UBE2R2: variants seen among roughly 807,000 people sequenced by gnomAD.
The protein encoded by UBE2R2 is ubiquitin conjugating enzyme E2 R2.
A neutral mutation model predicts 27.8 loss-of-function variants in UBE2R2; 1 was observed. The observed-to-expected ratio is 0.04, with a 90% confidence interval of 0.01 to 0.17. UBE2R2 has a LOEUF of 0.17. UBE2R2 is among the 10% of genes least tolerant of loss of function. The pLI, the probability that UBE2R2 is intolerant of heterozygous loss-of-function variation, is 1.00. For synonymous variants in UBE2R2, 106 were observed against 113.3 expected (o/e 0.94, Z 0.41); for missense variants, 100 against 291.0 (o/e 0.34, Z 4.78).
intron 2 of UBE2R2, among the ~76,000 whole-genome samples, chr9:33,899,615 T>A (rs1039561278): frequency 6.6e-6 from 1 of 152,168 alleles, no homozygotes; most frequent in Non-Finnish European, 1.5e-5. Flanking sequence ...CCTTGTGATC[T>A]GCCCACCTTG....
chr9:33,913,043 C>T (rs1025393202), intron 4 of UBE2R2, among the ~76,000 whole-genome samples: 18 of 151,008 alleles, frequency 1.2e-4, no homozygotes, highest in Non-Finnish European at 4.4e-5. Flanking sequence ...TCACTGCAGC[C>T]TCTATCTCCT....
At position 33,917,398 on chromosome 9, in the gene UBE2R2, T is replaced by C. The variant is rs544936741; in HGVS notation, c.*161T>C. 2 of 1,051,600 alleles carry C rather than the reference T, an allele frequency of 1.9e-6. No individual in the cohort carries two copies. Among genetic ancestry groups the C allele is most frequent in the Admixed American group, 2.8e-5 (1 of 36,338 alleles). The allele number at this position is 1,051,600 out of a possible 1,614,324, so 65.1% of individuals were successfully genotyped here. On this transcript the variant is annotated 3_prime_UTR_variant, in exon 5 of 5. Transcript: ENST00000263228. ...CCCCTTATGGATCTCAGTTTGCTCC[T>C]TTTTATGGACCTTTAATGGAGAGAG...
At chr9:33,816,164 C>CTG (rs1397625900), upstream of UBE2R2, among the ~76,000 whole-genome samples, 1 of 152,190 alleles carries the variant, frequency 6.6e-6, no homozygotes, top group Non-Finnish European at 1.5e-5. Flanking sequence ...AGTTCCGAAA[C>CTG]TGTGTGTGTA....
chr9:33,869,094 C>G (rs556428344), intron 1 of UBE2R2, among the ~76,000 whole-genome samples: 21 of 152,106 alleles, frequency 1.4e-4, no homozygotes, highest in Middle Eastern at 3.4e-3. Context: ...ATGGCAGAAT[C>G]CTGTCTCTAC....
chr9:33,877,827 C>CTGTCTGTCTGTCTCTCTT (rs1563997770), intron 1 of UBE2R2, among the ~76,000 whole-genome samples: 3 of 82,982 alleles, frequency 3.6e-5, no homozygotes, highest in East Asian at 2.7e-4. Flanking sequence ...CTGTCTGTCT[C>CTGTCTGTCTGTCTCTCTT]TCTCTCTCTC....
At chr9:33,850,333 G>C (rs2130752442) in intron 1 of UBE2R2, among the ~76,000 whole-genome samples, 1 of 152,222 alleles carries the variant, frequency 6.6e-6, no homozygotes, top group Non-Finnish European at 1.5e-5. Flanking sequence ...CAGATTCTGT[G>C]GATGTGTTTA....
At chr9:33,880,863 C>T (rs879590521) in intron 1 of UBE2R2, among the ~76,000 whole-genome samples, 1 of 152,150 alleles carries the variant, frequency 6.6e-6, no homozygotes, top group Non-Finnish European at 1.5e-5. Context: ...TGCCTGATGA[C>T]TTGAGGTGGA....
At chr9:33,838,352 C>G (rs779816728) in intron 1 of UBE2R2, among the ~76,000 whole-genome samples, 1 of 147,582 alleles carries the variant, frequency 6.8e-6, no homozygotes, top group Non-Finnish European at 1.5e-5. Context: ...ACTGTGTATA[C>G]GTATATAATG....
chr9:33,864,338 A>T (rs751284730), intron 1 of UBE2R2, among the ~76,000 whole-genome samples: 1 of 152,132 alleles, frequency 6.6e-6, no homozygotes, highest in Non-Finnish European at 1.5e-5. Context: ...GCTGTCAAGG[A>T]TCCCATTTCT....
Position 33,920,186 on chromosome 9 carries a change from A to G in UBE2R2, c.*2949A>G, listed in dbSNP as rs1587491131. On this transcript the variant is annotated 3_prime_UTR_variant, in exon 5 of 5. Coordinates refer to ENST00000263228, the MANE Select transcript of UBE2R2 (RefSeq NM_017811.4). ...TACATTTACAACTAAAAGGATTCAGATGCAATTTTCAACTATTCTGAAACC... is the reference window on the plus strand; with the variant it reads ...TACATTTACAACTAAAAGGATTCAGGTGCAATTTTCAACTATTCTGAAACC... 1 of 152,640 alleles carries G rather than the reference A, an allele frequency of 6.6e-6. No individual in the cohort carries two copies. The highest frequency in any genetic ancestry group is 2.4e-5 in the African/African-American group (1 of 41,456). The allele number at this position is 152,640 out of a possible 1,614,324, so 9.5% of individuals were successfully genotyped here.
chr9:33,902,369 A>C (rs962527803), intron 3 of UBE2R2, among the ~76,000 whole-genome samples: 1 of 152,102 alleles, frequency 6.6e-6, no homozygotes, highest in African/African-American at 2.4e-5. Flanking sequence ...TTATCTATAC[A>C]AGAATAATAC....
chr9:33,851,836 A>G (rs966831257), intron 1 of UBE2R2, among the ~76,000 whole-genome samples: 1 of 152,190 alleles, frequency 6.6e-6, no homozygotes, highest in African/African-American at 2.4e-5. Flanking sequence ...AATGGTATAC[A>G]TTCACATAAA....
chr9:33,914,787 C>G (rs943478623), intron 4 of UBE2R2, among the ~76,000 whole-genome samples: 32 of 151,252 alleles, frequency 2.1e-4, no homozygotes, highest in African/African-American at 7.5e-4. Flanking sequence ...TGAGATCGCG[C>G]CACTGCACTC....
intron 2 of UBE2R2, among the ~76,000 whole-genome samples, chr9:33,889,411 A>G (rs1226216608): frequency 1.3e-5 from 2 of 151,822 alleles, no homozygotes; most frequent in East Asian, 1.9e-4. Context: ...TCACCGTGTT[A>G]GCCAGGATGG....
At chr9:33,877,033 A>G (rs1052166496) in intron 1 of UBE2R2, among the ~76,000 whole-genome samples, 5 of 151,860 alleles carry the variant, frequency 3.3e-5, no homozygotes, top group African/African-American at 1.2e-4. Flanking sequence ...AATCCCAGCT[A>G]CTCCAGAGGC....
At chr9:33,836,151 GA>G (rs1486825399) in intron 1 of UBE2R2, among the ~76,000 whole-genome samples, 4 of 151,978 alleles carry the variant, frequency 2.6e-5, no homozygotes, top group Admixed American at 2.0e-4. Flanking sequence ...TAAAAATATA[GA>G]AAAATTAGCT....
intron 1 of UBE2R2, among the ~76,000 whole-genome samples, chr9:33,880,082 TACCATG>T (rs1216162927): frequency 2.0e-5 from 3 of 151,634 alleles, no homozygotes; most frequent in Middle Eastern, 3.4e-3. Context: ...GATGAGGTCT[TACCATG>T]TTGCTCAGGC....
chr9:33,916,893 C>A (rs889023982), intron 4 of UBE2R2, 125 bp from the exon 5 acceptor site: 2 of 1,413,820 alleles, frequency 1.4e-6, no homozygotes, highest in African/African-American at 1.4e-5. Context: ...CTGTCAGATG[C>A]TTTCAGGCAG....
intron 1 of UBE2R2, among the ~76,000 whole-genome samples, chr9:33,829,372 G>A (rs1051374720): frequency 6.6e-6 from 1 of 152,130 alleles, no homozygotes; most frequent in Non-Finnish European, 1.5e-5. Context: ...TGGAGACATT[G>A]GGTACTCAGA....
Sources: allele counts gnomAD v4.1 joint callset (sites outside exome capture counted in the v4.1 genomes callset), GRCh38; gene constraint gnomAD v4.1.1; transcripts MANE v1.5; gene names NCBI Gene and HGNC (gene_info 2026-07-23, HGNC 2026-07-21).